GOSR2: variants seen among roughly 807,000 people sequenced by gnomAD.
GOSR2 encodes the protein 27 kDa Golgi SNARE protein.
GOSR2 carries 20 observed loss-of-function variants against 27.9 expected under a neutral mutation model. The observed-to-expected ratio is 0.72, with a 90% CI of 0.50 to 1.04. GOSR2 has a LOEUF of 1.04. Ranked by LOEUF, GOSR2 falls within the 50% of genes least tolerant of loss-of-function variation. GOSR2 has a pLI of 0.00. For missense variants in GOSR2, 261 were observed against 270.5 expected, an observed-to-expected ratio of 0.97 and a Z score of 0.25; for synonymous variants, 91 against 98.8, an observed-to-expected ratio of 0.92 and a Z score of 0.47.
intron 6 of GOSR2, among the ~76,000 whole-genome samples, chr17:46,973,650 T>C (rs1461196594): frequency 3.3e-5 from 5 of 152,176 alleles, no homozygotes; most frequent in Admixed American, 3.3e-4. Flanking sequence ...CTGGGACACC[T>C]GCCCCGTCTG....
rs1426391243 is a variant in GOSR2 at position 46,941,037 on chromosome 17, T to TGA, written c.*2278_*2279dup. 1 of 1,090,546 alleles carries TGA rather than the reference T, an allele frequency of 9.2e-7. No homozygotes were observed. Among genetic ancestry groups the TGA allele is most frequent in the African/African-American group, 1.6e-5 (1 of 61,594 alleles). The allele number at this position is 1,090,546 out of a possible 1,614,324, so 67.6% of individuals were successfully genotyped here. A position where few individuals can be genotyped will look rare whatever the true frequency, so the allele number is the denominator to read the frequency against. ...GCGGGGGTGAATTCTTAGGTCGAGC[T>TGA]GATGCAAGAAACTCCGGTAGCCAGC... is the stretch of plus-strand genomic sequence containing the variant. On this transcript the variant is annotated 3_prime_UTR_variant, in exon 6 of 6. Transcript: ENST00000640051.
At chr17:46,957,369 T>A (rs901816993) in intron 6 of GOSR2, among the ~76,000 whole-genome samples, 2 of 151,952 alleles carry the variant, frequency 1.3e-5, no homozygotes, top group Non-Finnish European at 2.9e-5. Context: ...TCCCAGCAAT[T>A]TGGGAGGCTG....
At chr17:46,953,904 T>G (rs1443617466) in intron 6 of GOSR2, among the ~76,000 whole-genome samples, 1 of 152,244 alleles carries the variant, frequency 6.6e-6, no homozygotes, top group African/African-American at 2.4e-5. Context: ...CTTGTAAATT[T>G]GTTTGAGTTC....
At chr17:46,959,648 T>C (rs1238079016) in intron 6 of GOSR2, among the ~76,000 whole-genome samples, 2 of 152,246 alleles carry the variant, frequency 1.3e-5, no homozygotes, top group African/African-American at 2.4e-5. Context: ...CTCCCATGGA[T>C]AGCAGTCCCC....
intron 1 of GOSR2, among the ~76,000 whole-genome samples, chr17:46,925,266 A>G (rs1461221302): frequency 2.0e-5 from 3 of 152,226 alleles, no homozygotes; most frequent in African/African-American, 4.8e-5. Flanking sequence ...TTCCAGTACA[A>G]TTTTATTTAT....
chr17:46,973,838 CT>C (rs1209200684), intron 6 of GOSR2, among the ~76,000 whole-genome samples: 1 of 152,090 alleles, frequency 6.6e-6, no homozygotes, highest in African/African-American at 2.4e-5. Flanking sequence ...ACACGTATAC[CT>C]TTCCCCCAAA....
intron 6 of GOSR2, among the ~76,000 whole-genome samples, chr17:46,959,092 G>A (rs1050789936): frequency 6.6e-6 from 1 of 152,204 alleles, no homozygotes; most frequent in Non-Finnish European, 1.5e-5. Context: ...GTGAGAGTCA[G>A]TACAAAGACT....
chr17:46,923,614 G>C lies in GOSR2; in HGVS notation c.29+393G>C, dbSNP rs142534280. ...CGGCCCCTGGCCGTAGGAGTGTACT[G>C]TTTAATTGGAGAGTCAGGGCACGTA... On this transcript the variant is annotated intron_variant, in intron 1 of 5. Coordinates refer to ENST00000640051, the MANE Select transcript of GOSR2 (RefSeq NM_004287.5). 9.0e-5 allele frequency: 112 copies of C among 1,251,242 alleles called. No individual in the cohort carries two copies. In the African/African-American group the frequency reaches 1.6e-3, roughly 18 times the overall value. 77.5% of individuals were successfully genotyped at this position (1,251,242 alleles called of 1,614,324 possible). A position where few individuals can be genotyped will look rare whatever the true frequency, so the allele number is the denominator to read the frequency against.
chr17:46,963,151 TG>T lies in GOSR2; in HGVS notation c.584-3382del, dbSNP rs1168599896. Among the ~76,000 whole-genome samples, 7 of 152,370 alleles carry T rather than the reference TG, an allele frequency of 4.6e-5. No individual in the cohort carries two copies. The East Asian group carries it at 1.3e-3, about 29-fold the overall frequency. On this transcript the variant is annotated intron_variant, in intron 6 of 6. Transcript: ENST00000573224. ...ACACAAGACATTTCACAATAAATCATGATGTCTATATGAGCACCCTTTAAGC... is the reference window on the plus strand; with the variant it reads ...ACACAAGACATTTCACAATAAATCATATGTCTATATGAGCACCCTTTAAGC...
intron 6 of GOSR2, among the ~76,000 whole-genome samples, chr17:46,951,808 C>A (rs989403024): frequency 2.0e-5 from 3 of 152,110 alleles, no homozygotes; most frequent in African/African-American, 7.2e-5. Flanking sequence ...ACACACAGGG[C>A]CCTCTCTTCC....
chr17:46,960,253 C>T (rs2090973915), intron 6 of GOSR2, among the ~76,000 whole-genome samples: 1 of 152,146 alleles, frequency 6.6e-6, no homozygotes, highest in African/African-American at 2.4e-5. Flanking sequence ...AAAAGATGCT[C>T]AACATCATCA....
At position 46,939,288 on chromosome 17, in the gene GOSR2, T is replaced by C; in HGVS notation, c.*528T>C. Reference sequence around the variant, plus strand: ...CCCCTGTGCCTCAGTGACATGTAGATGACTGACTGCCAATACTTGTCACCA... The same window carrying C: ...CCCCTGTGCCTCAGTGACATGTAGACGACTGACTGCCAATACTTGTCACCA... On this transcript the variant is annotated 3_prime_UTR_variant, in exon 6 of 6. Coordinates refer to ENST00000640051, the MANE Select transcript of GOSR2 (RefSeq NM_004287.5). The C allele has an allele frequency of 9.8e-7, 1 of 1,023,882 alleles. No homozygotes were observed. The highest frequency in any genetic ancestry group is 3.9e-5 in the South Asian group (1 of 25,496). 63.4% of individuals were successfully genotyped at this position (1,023,882 alleles called of 1,614,324 possible). A position where few individuals can be genotyped will look rare whatever the true frequency, so the allele number is the denominator to read the frequency against.
At chr17:46,954,799 G>T (rs1442341668) in intron 6 of GOSR2, among the ~76,000 whole-genome samples, 2 of 152,204 alleles carry the variant, frequency 1.3e-5, no homozygotes, top group African/African-American at 4.8e-5. Context: ...TTGTGAATGG[G>T]AGTTCACTCA....
At chr17:46,934,523 A>G (rs1270393222) in intron 4 of GOSR2, among the ~76,000 whole-genome samples, 1 of 151,964 alleles carries the variant, frequency 6.6e-6, no homozygotes, top group Non-Finnish European at 1.5e-5. Flanking sequence ...CCCTGTCTCA[A>G]AAAAAAAGAA....
intron 1 of GOSR2, among the ~76,000 whole-genome samples, chr17:46,924,714 C>G (rs2086231675): frequency 6.6e-6 from 1 of 152,166 alleles, no homozygotes; most frequent in South Asian, 2.1e-4. Flanking sequence ...TTCTTTTACA[C>G]TGGGGAGCCC....
At chr17:46,965,372 GGAGA>G (rs1221368822) in intron 6 of GOSR2, among the ~76,000 whole-genome samples, 1 of 152,198 alleles carries the variant, frequency 6.6e-6, no homozygotes, top group Non-Finnish European at 1.5e-5. Flanking sequence ...GCTGGGACAA[GGAGA>G]GAGAAAGCTG....
chr17:46,940,376 G>A lies in GOSR2; in HGVS notation c.*1616G>A, dbSNP rs1023697304. ...CCCTGCCAGAGTTAAAGCAGTGACT[G>A]GAGGGTGGACTGGGGGGTTGCAGCA... On this transcript the variant is annotated 3_prime_UTR_variant, in exon 6 of 6. Coordinates refer to ENST00000640051, the MANE Select transcript of GOSR2 (RefSeq NM_004287.5). The A allele has an allele frequency of 1.3e-6, 2 of 1,521,260 alleles. No individual in the cohort carries two copies. The highest frequency in any genetic ancestry group is 8.8e-7 in the Non-Finnish European group (1 of 1,137,986). The allele number at this position is 1,521,260 out of a possible 1,614,324, so 94.2% of individuals were successfully genotyped here. A position where few individuals can be genotyped will look rare whatever the true frequency, so the allele number is the denominator to read the frequency against.
At chr17:46,971,178 CAT>C (rs1220509755), downstream of GOSR2, among the ~76,000 whole-genome samples, 2 of 151,960 alleles carry the variant, frequency 1.3e-5, no homozygotes, top group East Asian at 1.9e-4. Context: ...TCTCTACTAA[CAT>C]ATAAAAATGA....
intron 3 of GOSR2, 113 bp from the exon 4 acceptor site, chr17:46,931,954 G>T: frequency 1.2e-6 from 1 of 867,522 alleles, no homozygotes; most frequent in South Asian, 1.3e-5. Context: ...ATAGTGTGGG[G>T]TGGTGTAGGG....
Sources: allele counts gnomAD v4.1 joint callset (sites outside exome capture counted in the v4.1 genomes callset), GRCh38; gene constraint gnomAD v4.1.1; transcripts MANE v1.5; gene names NCBI Gene and HGNC (gene_info 2026-07-23, HGNC 2026-07-21).